The following CEP83 variants were observed in gnomAD, a reference collection of about 807,000 sequenced individuals.
CEP83 encodes the protein centrosomal protein 83.
In CEP83, 70 loss-of-function variants were observed where a neutral mutation model predicts 101.9. The observed-to-expected ratio is 0.69, with a 90% CI of 0.57 to 0.84. CEP83 has a LOEUF of 0.84. Ranked by LOEUF, CEP83 falls within the 40% of genes least tolerant of loss-of-function variation. CEP83 has a pLI of 0.00. For missense variants in CEP83, 715 were observed against 787.2 expected, an observed-to-expected ratio of 0.91 and a Z score of 1.10; for synonymous variants, 264 against 267.9, an observed-to-expected ratio of 0.99 and a Z score of 0.14.
chr12:94,336,182 A>C (rs1020366438), intron 11 of CEP83, among the ~76,000 whole-genome samples: 3 of 152,198 alleles, frequency 2.0e-5, no homozygotes, highest in African/African-American at 7.2e-5. Context: ...ATTCTATAAA[A>C]TATCTTATGG....
chr12:94,383,232 T>A (rs1036450830), intron 6 of CEP83, among the ~76,000 whole-genome samples: 5 of 152,110 alleles, frequency 3.3e-5, no homozygotes, highest in Admixed American at 1.3e-4. Context: ...GCTTTGTATA[T>A]CCTTTTATTT....
intron 1 of CEP83, among the ~76,000 whole-genome samples, chr12:94,449,613 A>G (rs1230858309): frequency 1.3e-5 from 2 of 150,958 alleles, no homozygotes; most frequent in African/African-American, 4.9e-5. Flanking sequence ...GAAAAAAAAA[A>G]AAAAAGAAAA....
At chr12:94,281,709 C>G in the CEP83 span, 1 of 152,568 alleles carries the variant, frequency 6.6e-6, no homozygotes, top group Non-Finnish European at 1.5e-5. Flanking sequence ...GTCTGAGCTC[C>G]TATGTCCAGC....
chr12:94,430,301 GAATTTAA>G (rs1380011170), intron 2 of CEP83, among the ~76,000 whole-genome samples: 1 of 151,568 alleles, frequency 6.6e-6, no homozygotes, highest in Non-Finnish European at 1.5e-5. Flanking sequence ...TCTGGAAAAA[GAATTTAA>G]AATATTGATT....
chr12:94,422,317 G>C (rs1237968807), intron 2 of CEP83, among the ~76,000 whole-genome samples: 1 of 152,214 alleles, frequency 6.6e-6, no homozygotes, highest in Non-Finnish European at 1.5e-5. Flanking sequence ...GACTGCTAGT[G>C]AGTGGCACCC....
intron 11 of CEP83, chr12:94,335,963 C>T: frequency 4.0e-6 from 1 of 249,160 alleles, no homozygotes; most frequent in South Asian, 9.0e-5. Flanking sequence ...TTTTGATATA[C>T]ATAAACAACA....
At chr12:94,333,662 A>G (rs1382051661) in intron 12 of CEP83, 23 bp from the exon 13 acceptor site, 2 of 1,606,442 alleles carry the variant, frequency 1.2e-6, no homozygotes, top group East Asian at 4.5e-5. Context: ...GAAAGAAGAT[A>G]AATTAAAGCC....
At chr12:94,452,358 G>A (rs964403962) in intron 1 of CEP83, among the ~76,000 whole-genome samples, 3 of 152,088 alleles carry the variant, frequency 2.0e-5, no homozygotes, top group Non-Finnish European at 4.4e-5. Flanking sequence ...CAATAAAGCT[G>A]TTTAAAAAGG....
downstream of CEP83, chr12:94,307,678 CTGTCT>C (rs1245949401): frequency 6.1e-5 from 6 of 98,784 alleles, no homozygotes; most frequent in Non-Finnish European, 1.3e-4. Flanking sequence ...TAACTGTGGA[CTGTCT>C]TTTTTTTTTT....
intron 4 of CEP83, chr12:94,407,794 TTC>T (rs2063634563): frequency 6.6e-6 from 1 of 152,248 alleles, no homozygotes; most frequent in Non-Finnish European, 1.5e-5. Flanking sequence ...GGAAAAAATA[TTC>T]TCTCTTAGGC....
intron 10 of CEP83, 40 bp from the exon 11 acceptor site, chr12:94,367,983 T>A: frequency 6.2e-7 from 1 of 1,607,098 alleles, no homozygotes; most frequent in Non-Finnish European, 8.5e-7. Flanking sequence ...AGAACTATAA[T>A]AAAGATGATA....
chr12:94,444,764 G>A (rs749824683), intron 1 of CEP83, among the ~76,000 whole-genome samples: 2 of 151,976 alleles, frequency 1.3e-5, no homozygotes, highest in African/African-American at 2.4e-5. Context: ...TTGGGAGGTC[G>A]AGGTGGGAGG....
intron 11 of CEP83, among the ~76,000 whole-genome samples, chr12:94,360,674 C>T (rs2060708333): frequency 1.3e-5 from 2 of 151,906 alleles, no homozygotes; most frequent in Admixed American, 6.6e-5. Context: ...CATGACCATA[C>T]TACCAAAAGT....
chr12:94,266,008 G>T, the CEP83 span, among the ~76,000 whole-genome samples: 1 of 152,156 alleles, frequency 6.6e-6, no homozygotes, highest in East Asian at 1.9e-4. Context: ...GCTGTGTTTT[G>T]GTTTGATCTT....
chr12:94,293,072 A>G, the CEP83 span, among the ~76,000 whole-genome samples: 546 of 152,282 alleles, frequency 3.6e-3, no homozygotes, highest in Non-Finnish European at 5.9e-3. Context: ...TTCAAGCTCT[A>G]TGTAAATGGA....
intron 4 of CEP83, chr12:94,408,023 G>C (rs960291742): frequency 1.3e-5 from 2 of 152,210 alleles, no homozygotes; most frequent in Admixed American, 1.3e-4. Flanking sequence ...TCACCATGTT[G>C]GCCAGGCTGG....
intron 1 of CEP83, among the ~76,000 whole-genome samples, chr12:94,442,329 G>A (rs1322907295): frequency 6.7e-6 from 1 of 148,824 alleles, no homozygotes; most frequent in Admixed American, 6.7e-5. Context: ...GAATGCAAAG[G>A]CATAAGACTG....
chr12:94,423,827 C>G, intron 2 of CEP83: 1 of 1,613,468 alleles, frequency 6.2e-7, no homozygotes, highest in South Asian at 1.1e-5. Context: ...CTGCTCTCCT[C>G]GACTGAAACA....
chr12:94,418,903 A>G (rs1031573080), intron 2 of CEP83, among the ~76,000 whole-genome samples: 1 of 152,210 alleles, frequency 6.6e-6, no homozygotes, highest in African/African-American at 2.4e-5. Flanking sequence ...GTATATAAAA[A>G]GAGTATTTTA....
Sources: gnomAD v4.1 joint callset for allele counts (sites outside exome capture counted in the v4.1 genomes callset) on GRCh38, gnomAD v4.1.1 for gene constraint, MANE v1.5 for transcripts, NCBI Gene and HGNC (gene_info 2026-07-23, HGNC 2026-07-21) for gene names.